Variants in DNAH1 observed in about 807,000 individuals in gnomAD.
DNAH1 encodes axonemal beta dynein heavy chain 1.
DNAH1 carries 327 observed loss-of-function variants against 484.3 expected under a neutral mutation model. The ratio of observed to expected loss-of-function variants is 0.68; its 90% CI spans 0.62 to 0.74. The LOEUF is 0.74. Ranked by LOEUF, DNAH1 falls within the 30% of genes least tolerant of loss-of-function variation. DNAH1 has a pLI of 0.00. For synonymous variants in DNAH1, 2,192 were observed against 2,191.9 expected (o/e 1.00, Z 0.00); for missense variants, 5,052 against 5,546.8 (o/e 0.91, Z 2.83).
chr3:52,326,334 G>T lies in DNAH1; in HGVS notation c.581+20G>T. On this transcript the variant is annotated intron_variant, in intron 4 of 77. Transcript: ENST00000420323. The stretch of plus-strand genomic sequence containing the variant: ...CGAGAGGTACGGCTGGGTGGGCTGT[G>T]GGGAGACTGTCGGGGAGGTGGCATC... 1 of 1,596,296 alleles carries T rather than the reference G, an allele frequency of 6.3e-7. No homozygotes were observed. Among genetic ancestry groups the T allele is most frequent in the South Asian group, 1.1e-5 (1 of 90,578 alleles).
At chr3:52,393,251 G>A in intron 65 of DNAH1, 83 bp from the exon 66 acceptor site, 1 of 1,588,616 alleles carries the variant, frequency 6.3e-7, no homozygotes, top group Non-Finnish European at 8.6e-7. Context: ...CGGCTGCTGG[G>A]GAGACTGGCT....
In DNAH1 at chr3:52,396,915, T is replaced by G. The variant is rs981435953; in HGVS notation, c.11658T>G (p.Thr3886=). The part of the protein sequence containing the change: ...AGEINYGGRV[T]DDWDRRCIMN... ...AGATCAATTACGGGGGCCGTGTCAC[T>G]GATGACTGGGACCGGCGCTGCATCA... is the stretch of plus-strand genomic sequence containing the variant. The change falls in exon 73 of 78, where the codon ACT becomes ACG. Residue 3886 remains threonine, a synonymous_variant. Transcript: ENST00000420323. 2 of 1,444,012 alleles carry G rather than the reference T, an allele frequency of 1.4e-6. No individual in the cohort carries two copies. Among genetic ancestry groups the G allele is most frequent in the African/African-American group, 2.9e-5 (2 of 68,692 alleles). The allele number at this position is 1,444,012 out of a possible 1,614,324, so 89.4% of individuals were successfully genotyped here.
Position 52,400,397 on chromosome 3 carries a change from G to A in DNAH1, c.12749G>A (p.Arg4250Gln), listed in dbSNP as rs539470500. The change falls in exon 78 of 78, where the codon CGA becomes CAA. Residue 4250 changes from arginine (R) to glutamine (Q), a missense_variant. Arg to Gln is a conservative substitution (Grantham distance 43, BLOSUM62 1). This residue lies in a region of DNAH1 where 853 missense variants were observed against 899.0 expected (regional missense o/e 0.95). Coordinates refer to ENST00000420323, the MANE Select transcript of DNAH1 (RefSeq NM_015512.5). ...AVEIPTHQPQ[R>Q]HWIKRGVALI... ...GAGATCCCCACCCATCAGCCCCAGC[G>A]ACACTGGATAAAGCGTGGTGTGGCC... 50 of 1,613,890 alleles carry A rather than the reference G, an allele frequency of 3.1e-5. No homozygotes were observed. Among genetic ancestry groups the A allele is most frequent in the East Asian group, 6.7e-5 (3 of 44,896 alleles).
intron 21 of DNAH1, among the ~76,000 whole-genome samples, chr3:52,356,238 T>G (rs1288664450): frequency 6.6e-6 from 1 of 152,084 alleles, no homozygotes; most frequent in Non-Finnish European, 1.5e-5. Context: ...AATCCTGGGG[T>G]CATGGACCCA....
At chr3:52,372,452 C>T (rs1703388116) in intron 43 of DNAH1, 65 bp downstream of exon 43, 4 of 1,584,856 alleles carry the variant, frequency 2.5e-6, no homozygotes, top group Non-Finnish European at 3.4e-6. Flanking sequence ...CAGCTGCTGT[C>T]CCACCTCTCC....
chr3:52,336,601 ATTTTTGTTTCTGGTGAAAGGTAAGG>A (rs556582654), intron 8 of DNAH1, among the ~76,000 whole-genome samples: 1 of 152,238 alleles, frequency 6.6e-6, no homozygotes, highest in South Asian at 2.1e-4. Flanking sequence ...TCCTGAGTTA[ATTTTTGTTTCTGGTGAAAGGTAAGG>A]GTCCGGTTTC....
At chr3:52,385,286 C>A (rs977704729) in intron 53 of DNAH1, 51 bp from the exon 54 acceptor site, 15 of 1,515,594 alleles carry the variant, frequency 9.9e-6, no homozygotes, top group Admixed American at 3.9e-5. Flanking sequence ...AGGCCCTGTG[C>A]TCTCTCTGTC....
Position 52,398,841 on chromosome 3 carries a change from G to T in DNAH1, c.12090-9G>T. The T allele has an allele frequency of 1.3e-6, 2 of 1,523,074 alleles. No homozygotes were observed. The highest frequency in any genetic ancestry group is 1.4e-5 in the African/African-American group (1 of 72,522). 94.3% of individuals were successfully genotyped at this position (1,523,074 alleles called of 1,614,324 possible). ...CCCACTACCTATTCTCTTGCCACTG[G>T]CCTCACAGGTACAATCGGCTGCTGC... On this transcript the variant is annotated splice_polypyrimidine_tract_variant and intron_variant, in intron 75 of 77. Transcript: ENST00000420323.
chr3:52,378,664 G>A lies in DNAH1; in HGVS notation c.7261G>A (p.Ala2421Thr), dbSNP rs763046158. 14 of 1,613,622 alleles carry A rather than the reference G, an allele frequency of 8.7e-6. No homozygotes were observed. The highest frequency in any genetic ancestry group is 1.2e-5 in the Non-Finnish European group (14 of 1,179,870). ...PLVEATIMVY[A>T]TITSQLLPTP... ...TGTGGAAGCCACCATCATGGTGTAT[G>A]CAACCATCACCTCCCAGCTGCTGCC... The change falls in exon 47 of 78, where the codon GCA becomes ACA. Residue 2421 changes from alanine (A) to threonine (T), a missense_variant. Around this residue, in one of 4 missense-constraint regions of DNAH1, gnomAD observed 2,929 missense variants for 3,409.4 expected, o/e 0.86. Coordinates refer to ENST00000420323, the MANE Select transcript of DNAH1 (RefSeq NM_015512.5).
Position 52,361,544 on chromosome 3 carries a change from A to G in DNAH1, c.4875-117A>G, listed in dbSNP as rs1702857407. The G allele has an allele frequency of 2.3e-6, 3 of 1,281,280 alleles. No individual in the cohort carries two copies. The highest frequency in any genetic ancestry group is 2.9e-5 in the African/African-American group (2 of 67,906). The allele number at this position is 1,281,280 out of a possible 1,614,324, so 79.4% of individuals were successfully genotyped here. A position where few individuals can be genotyped will look rare whatever the true frequency, so the allele number is the denominator to read the frequency against. Reference sequence around the variant, plus strand: ...TGGCAGTGGGTTGAAGACTGAGCTGATGGAGATTGCCCCTGAGGGCTTCCT... The same window carrying G: ...TGGCAGTGGGTTGAAGACTGAGCTGGTGGAGATTGCCCCTGAGGGCTTCCT... On this transcript the variant is annotated intron_variant, in intron 29 of 77. Transcript: ENST00000420323. The surrounding 1 kb of genome is among the most constrained non-coding windows in gnomAD (Gnocchi z 5.6).
At chr3:52,346,404 TC>T (rs1441873477) in intron 10 of DNAH1, 67 bp from the exon 11 acceptor site, 4 of 1,470,694 alleles carry the variant, frequency 2.7e-6, no homozygotes, top group Admixed American at 4.0e-5. Context: ...GTGCATAGAG[TC>T]CCTGAGTGCA....
chr3:52,350,100 G>A lies in DNAH1; in HGVS notation c.2638G>A (p.Gly880Ser). 1 of 1,611,388 alleles carries A rather than the reference G, an allele frequency of 6.2e-7. No homozygotes were observed. The highest frequency in any genetic ancestry group is 8.5e-7 in the Non-Finnish European group (1 of 1,179,400). Residue 880 changes from glycine to serine, a missense_variant, in exon 15 of 78, where the codon GGC (glycine) becomes AGC (serine). Around this residue, in one of 4 missense-constraint regions of DNAH1, gnomAD observed 1,263 missense variants for 1,218.8 expected, o/e 1.04. Coordinates refer to ENST00000420323, the MANE Select transcript of DNAH1 (RefSeq NM_015512.5). ...WMKGIPERLV[G>S]LEERIVKVMD... is the part of the protein sequence containing the mutation. ...GAAGGGCATCCCGGAGAGGCTGGTGGGCCTGGAGGTGAGGCAGGCACACGG... is the reference window on the plus strand; with the variant it reads ...GAAGGGCATCCCGGAGAGGCTGGTGAGCCTGGAGGTGAGGCAGGCACACGG...
rs1189917910 is a variant in DNAH1 at position 52,379,406 on chromosome 3, C to T, written c.7378-499C>T. 2.6e-5 allele frequency among the ~76,000 whole-genome samples: 4 copies of T among 152,216 alleles called. No individual in the cohort carries two copies. Among genetic ancestry groups the T allele is most frequent in the South Asian group, 2.1e-4 (1 of 4,818 alleles). ...AGGCTGGGAGCTTCCGGAGGGCAGT[C>T]CTGCCACCCAGGGAGATGCAGGGAA... On this transcript the variant is annotated intron_variant, in intron 47 of 77. Coordinates refer to ENST00000420323, the MANE Select transcript of DNAH1 (RefSeq NM_015512.5). This position sits in a 1 kb window ranked among gnomAD's most constrained non-coding sequence, Gnocchi z 4.4.
chr3:52,325,807 T>A (rs1701316187), intron 3 of DNAH1, among the ~76,000 whole-genome samples: 1 of 152,182 alleles, frequency 6.6e-6, no homozygotes, highest in Non-Finnish European at 1.5e-5. Context: ...TATCCAGTGG[T>A]AACACTCTCC....
At chr3:52,388,713 T>A (rs747551885) in intron 58 of DNAH1, 93 bp from the exon 59 acceptor site, 1 of 1,604,442 alleles carries the variant, frequency 6.2e-7, no homozygotes, top group South Asian at 1.1e-5. Context: ...CCACACCCCC[T>A]CCCTGGCAAC....
rs892442874 is a variant in DNAH1 at position 52,379,161 on chromosome 3, G to A, written c.7377+381G>A. On this transcript the variant is annotated intron_variant, in intron 47 of 77. Coordinates refer to ENST00000420323, the MANE Select transcript of DNAH1 (RefSeq NM_015512.5). The surrounding 1 kb of genome is among the most constrained non-coding windows in gnomAD (Gnocchi z 4.4). ...GCCAGGTGTCAGGGGCACTGGCAGGGGTGGGTCCAGGCACTAGGCACGGTG... is the reference window on the plus strand; with the variant it reads ...GCCAGGTGTCAGGGGCACTGGCAGGAGTGGGTCCAGGCACTAGGCACGGTG... Among the ~76,000 whole-genome samples the A allele has an allele frequency of 2.6e-5, 4 of 152,164 alleles. No individual in the cohort carries two copies. Among genetic ancestry groups the A allele is most frequent in the Admixed American group, 1.3e-4 (2 of 15,284 alleles).
chr3:52,326,207 CCGGCTG>C lies in DNAH1; in HGVS notation c.476_481del (p.Arg159_Leu160del). On this transcript the variant is annotated inframe_deletion, in exon 4 of 78. Coordinates refer to ENST00000420323, the MANE Select transcript of DNAH1 (RefSeq NM_015512.5). ...AGCAGCAGTGCATCGGGTCCACCAC[CCGGCTG>C]CTCGCCCAGACTGACTTCCCACTGC... is the stretch of plus-strand genomic sequence containing the variant. 6.2e-7 allele frequency: 1 copy of C among 1,613,022 alleles called. No homozygotes were observed. Among genetic ancestry groups the C allele is most frequent in the Non-Finnish European group, 8.5e-7 (1 of 1,179,580 alleles).
Position 52,360,374 on chromosome 3 carries a change from T to G in DNAH1, c.4635T>G (p.Tyr1545Ter). ...TGAATGCTGAGTTCATCTATGGCTA[T>G]GAGTACCTGGGCAACAGTGGGAGGC... Reference protein sequence around the residue: ...RAVNAEFIYGYEYLGNSGRLV... With the variant: ...RAVNAEFIYG The change falls in exon 28 of 78, where the codon TAT (tyrosine) becomes TAG (stop). Residue 1545 changes from tyrosine (Y) to a stop codon, truncating the protein, a stop_gained. Coordinates refer to ENST00000420323, the MANE Select transcript of DNAH1 (RefSeq NM_015512.5). LOFTEE classifies it high-confidence loss of function. 1.9e-6 allele frequency: 3 copies of G among 1,614,018 alleles called. No homozygotes were observed. The highest frequency in any genetic ancestry group is 2.5e-6 in the Non-Finnish European group (3 of 1,179,882).
intron 5 of DNAH1, 40 bp downstream of exon 5, chr3:52,326,931 G>C (rs747174116): frequency 6.3e-7 from 1 of 1,596,682 alleles, no homozygotes; most frequent in Non-Finnish European, 8.5e-7. Flanking sequence ...GACAGGGGCA[G>C]AAGTGCAGGA....
Sources: allele counts gnomAD v4.1 joint callset (sites outside exome capture counted in the v4.1 genomes callset), GRCh38; gene constraint gnomAD v4.1.1; regional missense constraint gnomAD v4.1.1; non-coding constraint Gnocchi (gnomAD v3.1); transcripts MANE v1.5; gene names NCBI Gene and HGNC (gene_info 2026-07-23, HGNC 2026-07-21).